Variants in OLA1 observed in about 807,000 individuals in gnomAD.
OLA1 encodes the protein obg-like ATPase 1.
In OLA1, 14 loss-of-function variants were observed where a neutral mutation model predicts 48.4. That is an observed-to-expected ratio of 0.29 (90% CI 0.19 to 0.45). OLA1 has a LOEUF of 0.45. Ranked by LOEUF, OLA1 falls within the 20% of genes least tolerant of loss-of-function variation. The pLI, the probability that OLA1 is intolerant of heterozygous loss-of-function variation, is 1.00. For synonymous variants in OLA1, 127 were observed against 150.4 expected (o/e 0.84, Z 1.14); for missense variants, 325 against 467.1 (o/e 0.70, Z 2.80).
At position 174,074,501 on chromosome 2, in the gene OLA1, T is replaced by G. The variant is rs1684680191; in HGVS notation, c.*925A>C. 1 of 152,218 alleles carries G rather than the reference T, an allele frequency of 6.6e-6. No homozygotes were observed. The allele number at this position is 152,218 out of a possible 1,614,324, so 9.4% of individuals were successfully genotyped here. On this transcript the variant is annotated 3_prime_UTR_variant, in exon 11 of 11. Coordinates refer to ENST00000284719, the MANE Select transcript of OLA1 (RefSeq NM_013341.5). ...CTGAAAAGTAAGAATGAAAGAATTT[T>G]TAAAATTTTCAAAGTCTGATCTTAG... is the stretch of plus-strand genomic sequence containing the variant.
chr2:174,114,341 CAAAAAAAAAAAAAAAAAAAA>C (rs76471043), intron 7 of OLA1, among the ~76,000 whole-genome samples: 10 of 60,630 alleles, frequency 1.6e-4, no homozygotes, highest in Non-Finnish European at 2.1e-4. Context: ...GACTCCGCCT[CAAAAAAAAAAAAAAAAAAAA>C]AAAAAAAAAA....
chr2:174,144,951 A>AAAAAT (rs1181030817), intron 4 of OLA1, among the ~76,000 whole-genome samples: 1 of 40,278 alleles, frequency 2.5e-5, no homozygotes, highest in Non-Finnish European at 4.0e-5. Flanking sequence ...AAAAAAAAAA[A>AAAAAT]ATATATATAT....
chr2:174,244,710 AC>A (rs1490272637), intron 2 of OLA1, among the ~76,000 whole-genome samples: 2 of 149,466 alleles, frequency 1.3e-5, no homozygotes, highest in African/African-American at 2.5e-5. Context: ...TGCAACCTCC[AC>A]CCCCCGGGCT....
intron 3 of OLA1, among the ~76,000 whole-genome samples, chr2:174,225,184 G>C (rs2053377): frequency 0.95 from 144,812 of 152,174 alleles, 69,325 homozygotes; most frequent in East Asian, 1. Flanking sequence ...TCTGGTGCCT[G>C]TCTCCACTCT....
chr2:174,151,282 A>G (rs551700649), intron 4 of OLA1, among the ~76,000 whole-genome samples: 9 of 152,364 alleles, frequency 5.9e-5, no homozygotes, highest in African/African-American at 2.2e-4. Context: ...CAGGATGAAC[A>G]GTGCAAATTA....
chr2:174,223,053 T>A lies in OLA1; in HGVS notation c.353A>T (p.Asp118Val). The A allele has an allele frequency of 6.2e-7, 1 of 1,613,250 alleles. No homozygotes were observed. The highest frequency in any genetic ancestry group is 8.5e-7 in the Non-Finnish European group (1 of 1,179,632). The change falls in exon 4 of 11, where the codon GAT (aspartate) becomes GTT (valine). Residue 118 changes from aspartate (D) to valine (V), a missense_variant. Physicochemically the swap from Asp to Val is radical, Grantham distance 152. Coordinates refer to ENST00000284719, the MANE Select transcript of OLA1 (RefSeq NM_013341.5). ...NAFLSHISAC[D>V]GIFHLTRAFE... Reference sequence around the variant, plus strand: ...CTTACGTGTTAGATGAAAGATGCCATCACAGGCACTAATATGAGATAAAAA... The same window carrying A: ...CTTACGTGTTAGATGAAAGATGCCAACACAGGCACTAATATGAGATAAAAA...
chr2:174,218,538 G>A (rs1222520456), intron 4 of OLA1, among the ~76,000 whole-genome samples: 1 of 152,190 alleles, frequency 6.6e-6, no homozygotes, highest in African/African-American at 2.4e-5. Flanking sequence ...ATAGTTACGA[G>A]TTAGCATACA....
At chr2:174,197,505 G>A (rs1687903684) in intron 4 of OLA1, among the ~76,000 whole-genome samples, 1 of 151,778 alleles carries the variant, frequency 6.6e-6, no homozygotes, top group Non-Finnish European at 1.5e-5. Context: ...ATAGGTACTC[G>A]CTCTCCCACC....
chr2:174,212,462 TG>T (rs1688265608), intron 4 of OLA1, among the ~76,000 whole-genome samples: 1 of 152,210 alleles, frequency 6.6e-6, no homozygotes, highest in Admixed American at 6.5e-5. Context: ...CATAGACAAG[TG>T]TAGACTTTAT....
At chr2:174,217,044 C>T (rs1688377154) in intron 4 of OLA1, among the ~76,000 whole-genome samples, 1 of 152,110 alleles carries the variant, frequency 6.6e-6, no homozygotes, top group Admixed American at 6.6e-5. Flanking sequence ...GGTCAGCTCC[C>T]CTAACCCCAG....
intron 7 of OLA1, among the ~76,000 whole-genome samples, chr2:174,098,057 C>T (rs1460908419): frequency 6.6e-6 from 1 of 151,522 alleles, no homozygotes; most frequent in Non-Finnish European, 1.5e-5. Context: ...GGAATTTGAG[C>T]ACAGGGGAGA....
intron 4 of OLA1, among the ~76,000 whole-genome samples, chr2:174,196,471 C>T (rs910371229): frequency 6.6e-6 from 1 of 152,150 alleles, no homozygotes; most frequent in Non-Finnish European, 1.5e-5. Flanking sequence ...ATGAAACTGT[C>T]ATTTTAAATA....
At chr2:174,228,714 A>G (rs1291674934) in intron 3 of OLA1, among the ~76,000 whole-genome samples, 1 of 152,226 alleles carries the variant, frequency 6.6e-6, no homozygotes, top group East Asian at 1.9e-4. Flanking sequence ...TCATCAGTCT[A>G]TGATCATTTC....
intron 4 of OLA1, among the ~76,000 whole-genome samples, chr2:174,203,730 C>T (rs1360119691): frequency 2.0e-5 from 3 of 151,946 alleles, no homozygotes; most frequent in Non-Finnish European, 2.9e-5. Flanking sequence ...TACTGAAATA[C>T]ATACACTTTA....
chr2:174,096,360 C>A (rs1422311898), intron 7 of OLA1, among the ~76,000 whole-genome samples: 1 of 152,096 alleles, frequency 6.6e-6, no homozygotes, highest in Non-Finnish European at 1.5e-5. Flanking sequence ...AGGGACACAA[C>A]AATGTGAATA....
intron 10 of OLA1, among the ~76,000 whole-genome samples, chr2:174,076,073 G>A (rs1420085325): frequency 1.3e-5 from 2 of 152,170 alleles, no homozygotes; most frequent in African/African-American, 2.4e-5. Flanking sequence ...ATACATAGAA[G>A]TATGTACTAG....
At chr2:174,197,469 G>A (rs1687902714) in intron 4 of OLA1, among the ~76,000 whole-genome samples, 1 of 151,734 alleles carries the variant, frequency 6.6e-6, no homozygotes, top group East Asian at 1.9e-4. Flanking sequence ...AAGTCAGAAT[G>A]AAATTAAACT....
At chr2:174,110,302 ATT>A (rs575026912) in intron 7 of OLA1, among the ~76,000 whole-genome samples, 12,239 of 113,674 alleles carry the variant, frequency 0.11, 1,076 homozygotes, top group East Asian at 0.6. Flanking sequence ...CCATGCTTGG[ATT>A]TTTTTTTTTT....
At chr2:174,149,795 G>A (rs1686702590) in intron 4 of OLA1, among the ~76,000 whole-genome samples, 1 of 152,142 alleles carries the variant, frequency 6.6e-6, no homozygotes, top group Non-Finnish European at 1.5e-5. Context: ...CTCAAGGCCT[G>A]TTCTTACTCC....
Sources: allele counts gnomAD v4.1 joint callset (sites outside exome capture counted in the v4.1 genomes callset), GRCh38; gene constraint gnomAD v4.1.1; transcripts MANE v1.5; gene names NCBI Gene and HGNC (gene_info 2026-07-23, HGNC 2026-07-21).